The following ATP11C variants were observed in gnomAD, a reference collection of about 807,000 sequenced individuals.
ATP11C encodes the protein ATPase phospholipid transporting 11C (ATP11C blood group).
In ATP11C, 36 loss-of-function variants were observed where a neutral mutation model predicts 97.4. The ratio of observed to expected loss-of-function variants is 0.37; its 90% CI spans 0.28 to 0.49. The LOEUF (loss-of-function observed/expected upper bound fraction) is 0.49, where lower values mean the gene tolerates loss of function less well. Among genes scored for constraint, ATP11C ranks in the 20% least tolerant of loss-of-function variants. The pLI is 0.98. For synonymous variants in ATP11C, 275 were observed against 290.9 expected (o/e 0.95, Z 0.56); for missense variants, 730 against 824.6 (o/e 0.89, Z 1.40).
At chrX:139,781,302 T>C (rs964565359) in intron 18 of ATP11C, among the ~76,000 whole-genome samples, 17 of 112,366 alleles carry the variant, frequency 1.5e-4, no homozygotes, top group African/African-American at 5.5e-4. Flanking sequence ...TCATATATAA[T>C]ATTTAGAAAA....
Position 139,726,786 on chromosome X carries a change from T to G in ATP11C, c.*2180A>C, listed in dbSNP as rs2081259484. 1.8e-5 allele frequency: 2 copies of G among 111,966 alleles called. No homozygotes were observed. Among genetic ancestry groups the G allele is most frequent in the Non-Finnish European group, 3.8e-5 (2 of 53,072 alleles). The allele number at this position is 111,966 out of a possible 1,213,427, so 9.2% of individuals were successfully genotyped here. ...TATAGGTAGATGATCTTATTATATT[T>G]TTTTCCCTTTCTCTGTCACAAATAG... On this transcript the variant is annotated 3_prime_UTR_variant, in exon 30 of 30. Coordinates refer to ENST00000682941, the MANE Select transcript of ATP11C (RefSeq NM_001353812.2).
chrX:139,788,627 A>T (rs1192281534), intron 13 of ATP11C, among the ~76,000 whole-genome samples: 1 of 111,777 alleles, frequency 8.9e-6, no homozygotes, highest in Non-Finnish European at 1.9e-5. Context: ...GGCCTAAAAA[A>T]CTTCATTCAG....
At chrX:139,783,290 T>C (rs777531248) in intron 16 of ATP11C, 23 bp from the exon 17 acceptor site, 3 of 1,096,712 alleles carry the variant, frequency 2.7e-6, no homozygotes, top group Middle Eastern at 2.7e-4. Context: ...ACCATAGTAC[T>C]TGACTTAGAA....
intron 23 of ATP11C, 44 bp downstream of exon 23, chrX:139,757,764 A>G: frequency 1.0e-6 from 1 of 955,969 alleles, no homozygotes; most frequent in Non-Finnish European, 1.4e-6. Flanking sequence ...ATTTATTAAC[A>G]GCAAATGTAA....
chrX:139,916,344 T>TA (rs1402478951), intron 1 of ATP11C, among the ~76,000 whole-genome samples: 1 of 111,509 alleles, frequency 9.0e-6, no homozygotes, highest in East Asian at 2.8e-4. Context: ...GTATTTCACT[T>TA]ATTCAGCAAG....
At chrX:139,747,713 T>C (rs1224403860) in intron 24 of ATP11C, among the ~76,000 whole-genome samples, 1 of 112,015 alleles carries the variant, frequency 8.9e-6, no homozygotes, top group Non-Finnish European at 1.9e-5. Context: ...TATAATACAC[T>C]ACACAACGCC....
intron 1 of ATP11C, among the ~76,000 whole-genome samples, chrX:139,852,141 G>A (rs1422126406): frequency 1.0e-4 from 11 of 106,571 alleles, no homozygotes; most frequent in Non-Finnish European, 2.1e-4. Flanking sequence ...CAAAAAAAAA[G>A]AAAAAGAAAA....
chrX:139,890,194 G>C (rs946190843), intron 1 of ATP11C, among the ~76,000 whole-genome samples: 2 of 110,853 alleles, frequency 1.8e-5, no homozygotes, highest in African/African-American at 6.6e-5. Context: ...TCCAGTAGTG[G>C]ATAAGCCAGT....
intron 3 of ATP11C, among the ~76,000 whole-genome samples, chrX:139,818,333 C>A (rs2083331641): frequency 2.7e-5 from 3 of 111,856 alleles, no homozygotes; most frequent in African/African-American, 9.8e-5. Context: ...ATATCTTGAT[C>A]TTCATTGTAC....
chrX:139,936,162 C>G (rs185477401), upstream of ATP11C, among the ~76,000 whole-genome samples: 50 of 111,024 alleles, frequency 4.5e-4, no homozygotes, highest in African/African-American at 1.6e-3. Flanking sequence ...CCATACAAAT[C>G]AAAATATACT....
In ATP11C at chrX:139,790,266, G is replaced by A. The variant is rs910912914; in HGVS notation, c.1207-778C>T. Among the ~76,000 whole-genome samples, 3 of 110,910 alleles carry A rather than the reference G, an allele frequency of 2.7e-5. No individual in the cohort carries two copies. The Admixed American group carries it at 2.9e-4, about 11-fold the overall frequency. On this transcript the variant is annotated intron_variant, in intron 12 of 29. Coordinates refer to ENST00000682941, the MANE Select transcript of ATP11C (RefSeq NM_001353812.2). ...CTAATTATTCTGTAATTTTTGTAGA[G>A]ACAGCATCTCACTATGTTGCCCAGG...
intron 24 of ATP11C, among the ~76,000 whole-genome samples, chrX:139,747,460 T>C (rs890376738): frequency 3.6e-5 from 4 of 111,268 alleles, no homozygotes; most frequent in African/African-American, 1.3e-4. Flanking sequence ...AATCAAGATC[T>C]GGGGAGAGGT....
chrX:139,841,817 C>A (rs2083836453), intron 1 of ATP11C, among the ~76,000 whole-genome samples: 1 of 112,417 alleles, frequency 8.9e-6, no homozygotes, highest in Non-Finnish European at 1.9e-5. Flanking sequence ...CACACTCCAT[C>A]TTGCTCTGGA....
At chrX:139,785,409 T>C (rs987242504) in intron 15 of ATP11C, 110 bp from the exon 16 acceptor site, 4 of 527,652 alleles carry the variant, frequency 7.6e-6, no homozygotes, top group African/African-American at 4.7e-5. Flanking sequence ...ATAGCACTGG[T>C]TGTGTGCACA....
At chrX:139,751,785 TA>T (rs748838014) in intron 23 of ATP11C, among the ~76,000 whole-genome samples, 7,303 of 98,578 alleles carry the variant, frequency 0.074, 599 homozygotes, top group African/African-American at 0.23. Flanking sequence ...TCCTTTTCAT[TA>T]AAAAAAAAAA....
At chrX:139,782,134 G>A (rs2082472602) in intron 18 of ATP11C, among the ~76,000 whole-genome samples, 2 of 109,801 alleles carry the variant, frequency 1.8e-5, no homozygotes. Context: ...AAACCATCCT[G>A]GCTAACACAG....
chrX:139,876,728 T>A (rs1465310518), intron 1 of ATP11C, among the ~76,000 whole-genome samples: 3 of 112,058 alleles, frequency 2.7e-5, no homozygotes, highest in Non-Finnish European at 5.6e-5. Flanking sequence ...GAGGTAACGA[T>A]GTAGAAAGTG....
chrX:139,901,526 G>A (rs990320849), intron 1 of ATP11C, among the ~76,000 whole-genome samples: 4 of 111,779 alleles, frequency 3.6e-5, no homozygotes, highest in African/African-American at 1.3e-4. Context: ...AACATAGCTG[G>A]CAACTGAGAC....
At chrX:139,797,078 A>G in intron 11 of ATP11C, 98 bp downstream of exon 11, 1 of 750,617 alleles carries the variant, frequency 1.3e-6, no homozygotes, top group Non-Finnish European at 1.9e-6. Context: ...GAGAAAATTC[A>G]GAAGCTAACA....
Sources: allele counts gnomAD v4.1 joint callset (sites outside exome capture counted in the v4.1 genomes callset), GRCh38; gene constraint gnomAD v4.1.1; transcripts MANE v1.5; gene names NCBI Gene and HGNC (gene_info 2026-07-23, HGNC 2026-07-21).